The following DOK7 variants were observed in gnomAD, a reference collection of about 807,000 sequenced individuals.
DOK7 encodes protein Dok-7.
A neutral mutation model predicts 30.7 loss-of-function variants in DOK7; 32 were observed. That is an observed-to-expected ratio of 1.04 (90% confidence interval 0.79 to 1.40). The LOEUF (loss-of-function observed/expected upper bound fraction) is 1.40. DOK7 is among the 40% of genes most tolerant of loss of function. The probability of loss-of-function intolerance (pLI) is 0.00; values close to 1 mark genes in which losing one functional copy is unlikely to be tolerated. For missense variants in DOK7, 1,007 were observed against 699.2 expected (o/e 1.44, Z -4.97); for synonymous variants, 447 against 324.1 (o/e 1.38, Z -4.07).
intron 4 of DOK7, among the ~76,000 whole-genome samples, chr4:3,482,425 G>A (rs948987684): frequency 1.6e-4 from 24 of 152,338 alleles, no homozygotes; most frequent in African/African-American, 5.5e-4. Context: ...CTCACCCTCC[G>A]ATAGGACACC....
chr4:3,496,532 C>T (rs112631875), downstream of DOK7, among the ~76,000 whole-genome samples: 292 of 152,346 alleles, frequency 1.9e-3, 1 homozygote, highest in Middle Eastern at 0.01. Flanking sequence ...GGCTGGGAAC[C>T]GCCCCCTCCC....
At chr4:3,477,914 C>T (rs1727201599) in intron 4 of DOK7, among the ~76,000 whole-genome samples, 3 of 152,166 alleles carry the variant, frequency 2.0e-5, no homozygotes, top group Non-Finnish European at 4.4e-5. Flanking sequence ...TGCGGCAGGC[C>T]AGAGGTTCAG....
intron 6 of DOK7, among the ~76,000 whole-genome samples, chr4:3,499,728 G>A (rs1236292763): frequency 6.6e-6 from 1 of 152,068 alleles, no homozygotes; most frequent in African/African-American, 2.4e-5. Context: ...GAGGGAGCGT[G>A]GGCCTGTGTG....
intron 2 of DOK7, among the ~76,000 whole-genome samples, chr4:3,468,609 C>T (rs188983551): frequency 2.4e-3 from 325 of 133,092 alleles, no homozygotes; most frequent in African/African-American, 9.1e-3. Flanking sequence ...TTGGTGTGTG[C>T]GTGCCTTTGT....
At chr4:3,490,423 C>CTCT (rs1560226918) in intron 6 of DOK7, among the ~76,000 whole-genome samples, 1 of 17,910 alleles carries the variant, frequency 5.6e-5, no homozygotes, top group Non-Finnish European at 1.1e-4. Flanking sequence ...CCCACCGCCC[C>CTCT]GCTCATTCAT....
At chr4:3,470,306 A>C (rs1440351787) in intron 2 of DOK7, among the ~76,000 whole-genome samples, 1 of 152,202 alleles carries the variant, frequency 6.6e-6, no homozygotes, top group Non-Finnish European at 1.5e-5. Flanking sequence ...CATATGCAGA[A>C]ACCCTGTTCC....
At chr4:3,487,089 C>G (rs1041042658) in intron 5 of DOK7, among the ~76,000 whole-genome samples, 1 of 152,240 alleles carries the variant, frequency 6.6e-6, no homozygotes. Context: ...GACCAGAAGT[C>G]CCAGACCCCA....
intron 4 of DOK7, among the ~76,000 whole-genome samples, chr4:3,481,800 T>C (rs1727458319): frequency 6.6e-6 from 1 of 152,196 alleles, no homozygotes; most frequent in South Asian, 2.1e-4. Flanking sequence ...TTAGATCTAA[T>C]TGGCTCATTA....
intron 6 of DOK7, 84 bp downstream of exon 6, chr4:3,489,880 G>A (rs930555587): frequency 1.1e-5 from 17 of 1,518,590 alleles, no homozygotes; most frequent in Non-Finnish European, 1.5e-5. Context: ...GCATGTGTGG[G>A]GGCTGCAGGC....
intron 2 of DOK7, 94 bp from the exon 3 acceptor site, chr4:3,473,312 C>A: frequency 7.8e-7 from 1 of 1,288,506 alleles, no homozygotes; most frequent in Non-Finnish European, 1.1e-6. Flanking sequence ...ATGACCCCAG[C>A]CCGGGTCTCT....
At chr4:3,475,150 C>T (rs1355459998) in intron 3 of DOK7, among the ~76,000 whole-genome samples, 2 of 152,094 alleles carry the variant, frequency 1.3e-5, no homozygotes, top group African/African-American at 2.4e-5. Flanking sequence ...TGCAGGAGGG[C>T]GCAGGGGAAG....
intron 6 of DOK7, among the ~76,000 whole-genome samples, chr4:3,490,053 A>C (rs116327508): frequency 1.4e-3 from 120 of 86,686 alleles, no homozygotes; most frequent in African/African-American, 4.3e-3. Context: ...CCTACTCATT[A>C]ATTCCTTCCT....
intron 4 of DOK7, among the ~76,000 whole-genome samples, chr4:3,477,148 C>T (rs1459219730): frequency 6.7e-6 from 1 of 149,386 alleles, no homozygotes; most frequent in Non-Finnish European, 1.5e-5. Flanking sequence ...AGGTGCCCGC[C>T]GGGGCTGTGC....
intron 2 of DOK7, among the ~76,000 whole-genome samples, chr4:3,471,538 G>C (rs1272788454): frequency 2.0e-5 from 3 of 152,264 alleles, no homozygotes; most frequent in Non-Finnish European, 4.4e-5. Flanking sequence ...GCAGACGGTG[G>C]AGACTGCGGG....
Position 3,491,705 on chromosome 4 carries a change from C to T in DOK7, c.773-1054C>T, listed in dbSNP as rs147658204. Among the ~76,000 whole-genome samples, 97 of 152,376 alleles carry T rather than the reference C, an allele frequency of 6.4e-4. 1 individual carries two copies. The highest frequency in any genetic ancestry group is 2.2e-3 in the African/African-American group (93 of 41,598). On this transcript the variant is annotated intron_variant, in intron 6 of 6. Coordinates refer to ENST00000340083, the MANE Select transcript of DOK7 (RefSeq NM_173660.5). Reference sequence around the variant, plus strand: ...ACCAAGGCCCTGCATGTTGGTTTTACCTTCTGTGCCCAGACAAAAGGCTCT... The same window carrying T: ...ACCAAGGCCCTGCATGTTGGTTTTATCTTCTGTGCCCAGACAAAAGGCTCT...
chr4:3,471,596 C>T (rs1726772297), intron 2 of DOK7, among the ~76,000 whole-genome samples: 2 of 152,266 alleles, frequency 1.3e-5, no homozygotes, highest in Admixed American at 1.3e-4. Flanking sequence ...TGCGCGGAGC[C>T]ACCCGTGTTC....
At chr4:3,500,723 C>T (rs1577194230) in exon 8 of DOK7, 16 of 1,535,518 alleles carry the variant, frequency 1.0e-5, no homozygotes, top group Non-Finnish European at 1.4e-5. Flanking sequence ...CCCAGATCGA[C>T]ATCATGGCCA....
intron 4 of DOK7, among the ~76,000 whole-genome samples, chr4:3,480,044 C>T (rs1011096322): frequency 1.3e-5 from 2 of 152,232 alleles, no homozygotes; most frequent in Admixed American, 6.5e-5. Context: ...GAGGGCCACT[C>T]GCCCTGGGAC....
At chr4:3,479,210 C>T (rs1727295853) in intron 4 of DOK7, among the ~76,000 whole-genome samples, 1 of 152,226 alleles carries the variant, frequency 6.6e-6, no homozygotes, top group Non-Finnish European at 1.5e-5. Flanking sequence ...GGCTGTGCCA[C>T]TCCAGTCCCT....
Sources: allele counts gnomAD v4.1 joint callset (sites outside exome capture counted in the v4.1 genomes callset), GRCh38; gene constraint gnomAD v4.1.1; transcripts MANE v1.5; gene names NCBI Gene and HGNC (gene_info 2026-07-23, HGNC 2026-07-21).